Variants in FSHR observed in about 807,000 individuals in gnomAD.
FSHR encodes follicle-stimulating hormone receptor.
Under a neutral mutation model 52.1 loss-of-function variants are expected in FSHR, and 46 were observed. That is an observed-to-expected ratio of 0.88 (90% confidence interval 0.70 to 1.13). The LOEUF is 1.13. Among genes scored for constraint, FSHR ranks in the 50% most tolerant of loss-of-function variants. The pLI is 0.00. For missense variants in FSHR, 964 were observed against 834.6 expected, an observed-to-expected ratio of 1.16 and a Z score of -1.91; for synonymous variants, 399 against 309.6, an observed-to-expected ratio of 1.29 and a Z score of -3.03.
At chr2:49,150,729 G>C (rs747303041) in intron 1 of FSHR, among the ~76,000 whole-genome samples, 28 of 152,002 alleles carry the variant, frequency 1.8e-4, no homozygotes, top group Non-Finnish European at 3.5e-4. Flanking sequence ...TGCTCCCCTA[G>C]TTTAGTACTT....
chr2:49,014,597 A>C (rs973459914), intron 4 of FSHR: 2 of 238,176 alleles, frequency 8.4e-6, no homozygotes, highest in South Asian at 1.0e-4. Flanking sequence ...CTCATTCATA[A>C]GAACAAATGG....
At chr2:49,014,925 C>G in intron 4 of FSHR, 1 of 469,402 alleles carries the variant, frequency 2.1e-6, no homozygotes, top group Non-Finnish European at 4.4e-6. Context: ...TTGGCATTCT[C>G]CAAAACAAAA....
chr2:48,963,163 T>C lies in FSHR; in HGVS notation c.1658A>G (p.Tyr553Cys), dbSNP rs776525084. 4 of 1,613,856 alleles carry C rather than the reference T, an allele frequency of 2.5e-6. No homozygotes were observed. The highest frequency in any genetic ancestry group is 3.4e-6 in the Non-Finnish European group (4 of 1,179,948). Residue 553 changes from tyrosine to cysteine, a missense_variant, in exon 10 of 10, where the codon TAC becomes TGC. Tyr to Cys is a radical substitution (Grantham distance 194). Coordinates refer to ENST00000406846, the MANE Select transcript of FSHR (RefSeq NM_000145.4). The stretch of plus-strand genomic sequence containing the variant: ...GATGTTGGGGTTCCGCACTGTGAGG[T>C]AGATGTGGATATAGCAGCCACAGAT... ...VVICGCYIHI[Y>C]LTVRNPNIVS... is the part of the protein sequence containing the mutation.
At chr2:49,106,170 C>G (rs975221194) in intron 1 of FSHR, among the ~76,000 whole-genome samples, 16 of 152,140 alleles carry the variant, frequency 1.1e-4, no homozygotes, top group African/African-American at 3.6e-4. Flanking sequence ...GACCTCAGGC[C>G]TGAAATACCT....
chr2:49,075,561 G>T (rs1330642703), intron 1 of FSHR, among the ~76,000 whole-genome samples: 2 of 152,014 alleles, frequency 1.3e-5, no homozygotes, highest in African/African-American at 4.8e-5. Context: ...ACAATTAGAG[G>T]CATGAAAGAT....
chr2:49,140,924 T>G (rs774471332), intron 1 of FSHR, among the ~76,000 whole-genome samples: 2 of 152,188 alleles, frequency 1.3e-5, no homozygotes, highest in African/African-American at 2.4e-5. Flanking sequence ...CACATGGCAT[T>G]CACTTCTGCT....
intron 2 of FSHR, among the ~76,000 whole-genome samples, chr2:49,022,756 G>A (rs1392851562): frequency 6.6e-6 from 1 of 152,138 alleles, no homozygotes; most frequent in East Asian, 1.9e-4. Flanking sequence ...GATACGATGA[G>A]ATCATTTGTC....
intron 2 of FSHR, among the ~76,000 whole-genome samples, chr2:49,044,041 C>G (rs141671781): frequency 7.9e-5 from 12 of 152,298 alleles, no homozygotes; most frequent in African/African-American, 2.2e-4. Flanking sequence ...GGTTTATACT[C>G]TGTTTTACGT....
chr2:49,093,770 T>A (rs1426427894), intron 1 of FSHR, among the ~76,000 whole-genome samples: 1 of 151,958 alleles, frequency 6.6e-6, no homozygotes, highest in Non-Finnish European at 1.5e-5. Context: ...AATTTTTAAA[T>A]ATTTTTAGTA....
intron 2 of FSHR, among the ~76,000 whole-genome samples, chr2:49,057,132 C>A (rs1174442464): frequency 6.6e-6 from 1 of 151,718 alleles, no homozygotes; most frequent in Non-Finnish European, 1.5e-5. Context: ...ACAAACCAAA[C>A]CAAAAATTAG....
At chr2:48,987,296 C>G (rs373508868) in intron 6 of FSHR, among the ~76,000 whole-genome samples, 2 of 151,990 alleles carry the variant, frequency 1.3e-5, no homozygotes, top group African/African-American at 4.8e-5. Context: ...CTCTGCCTCC[C>G]GGGTTCAAGC....
At chr2:49,111,514 G>C (rs775818501) in intron 1 of FSHR, among the ~76,000 whole-genome samples, 1 of 152,172 alleles carries the variant, frequency 6.6e-6, no homozygotes, top group Non-Finnish European at 1.5e-5. Context: ...TAAGGGGAAA[G>C]AGCAGTGATT....
intron 8 of FSHR, among the ~76,000 whole-genome samples, chr2:48,974,441 G>A (rs1674891804): frequency 6.6e-6 from 1 of 152,214 alleles, no homozygotes; most frequent in Non-Finnish European, 1.5e-5. Flanking sequence ...TGCACATGGT[G>A]GCTTTGATGC....
Position 48,968,754 on chromosome 2 carries a change from T to C in FSHR, c.798A>G (p.Glu266=), listed in dbSNP as rs1186042951. ...AATGGCTGGGATAGGTGAGGCTGGC[T>C]TCCATGAGGGCGACAAGCTTTTCCA... ...PTLEKLVALM[E]ASLTYPSHCC... is the part of the protein sequence containing the mutation. Residue 266 remains glutamate, a synonymous_variant, in exon 9 of 10, where the codon GAA becomes GAG. Transcript: ENST00000406846. The C allele has an allele frequency of 3.1e-6, 5 of 1,614,046 alleles. No homozygotes were observed. In the African/African-American group the frequency reaches 5.3e-5, roughly 17 times the overall value.
chr2:49,077,359 A>T (rs1669987397), intron 1 of FSHR, among the ~76,000 whole-genome samples: 1 of 152,192 alleles, frequency 6.6e-6, no homozygotes, highest in African/African-American at 2.4e-5. Context: ...TTTCAGCCAC[A>T]GCTGGAGCAG....
intron 1 of FSHR, among the ~76,000 whole-genome samples, chr2:49,110,257 A>G (rs1671376680): frequency 6.6e-6 from 1 of 152,178 alleles, no homozygotes; most frequent in South Asian, 2.1e-4. Context: ...AACAATCTCC[A>G]TCCACATTTT....
At chr2:49,142,156 T>A (rs764610515) in intron 1 of FSHR, among the ~76,000 whole-genome samples, 2 of 152,226 alleles carry the variant, frequency 1.3e-5, no homozygotes, top group Non-Finnish European at 2.9e-5. Context: ...TGGGGACTAT[T>A]CAACATGTTG....
chr2:48,976,813 G>A (rs1270810565), intron 8 of FSHR, among the ~76,000 whole-genome samples: 4 of 152,110 alleles, frequency 2.6e-5, no homozygotes, highest in African/African-American at 9.7e-5. Context: ...GTATTTCTGT[G>A]GGATCAGTGG....
chr2:49,085,966 G>C (rs1034884971), intron 1 of FSHR, among the ~76,000 whole-genome samples: 15 of 150,298 alleles, frequency 1.0e-4, no homozygotes, highest in Middle Eastern at 3.4e-3. Context: ...GCCTGTTGTG[G>C]GGGGGGGGAG....
Sources: gnomAD v4.1 joint callset for allele counts (sites outside exome capture counted in the v4.1 genomes callset) on GRCh38, gnomAD v4.1.1 for gene constraint, MANE v1.5 for transcripts, NCBI Gene and HGNC (gene_info 2026-07-23, HGNC 2026-07-21) for gene names.